The following BLZF1 variants were observed in gnomAD, a reference collection of about 807,000 sequenced individuals.
BLZF1 encodes golgin-45.
BLZF1 carries 39 observed loss-of-function variants against 43.8 expected under a neutral mutation model. That is an observed-to-expected ratio of 0.89 (90% CI 0.69 to 1.16). BLZF1 has a LOEUF of 1.16. Among genes scored for constraint, BLZF1 ranks in the 50% most tolerant of loss-of-function variants. BLZF1 has a pLI of 0.00. For missense variants in BLZF1, 449 were observed against 469.8 expected, an observed-to-expected ratio of 0.96 and a Z score of 0.41; for synonymous variants, 136 against 159.4, an observed-to-expected ratio of 0.85 and a Z score of 1.11.
At chr1:169,384,574 C>A (rs1323302943) in intron 6 of BLZF1, among the ~76,000 whole-genome samples, 1 of 152,180 alleles carries the variant, frequency 6.6e-6, no homozygotes, top group African/African-American at 2.4e-5. Context: ...TGTCACTACC[C>A]ACTGCACTTA....
At position 169,387,461 on chromosome 1, in the gene BLZF1, T is replaced by G. The variant is rs1453356151; in HGVS notation, c.*279T>G. 4.0e-5 allele frequency: 10 copies of G among 247,104 alleles called. No homozygotes were observed. The highest frequency in any genetic ancestry group is 6.8e-5 in the African/African-American group (3 of 44,230). 15.3% of individuals were successfully genotyped at this position (247,104 alleles called of 1,614,324 possible). On this transcript the variant is annotated 3_prime_UTR_variant, in exon 7 of 7. Transcript: ENST00000367808. Reference sequence around the variant, plus strand: ...CTAAAAGACTCTAAAAGAAAAAGATTCTGTAACTCTCTTTTAGCACCAAAT... The same window carrying G: ...CTAAAAGACTCTAAAAGAAAAAGATGCTGTAACTCTCTTTTAGCACCAAAT...
At chr1:169,374,242 T>G (rs1654219064) in intron 2 of BLZF1, among the ~76,000 whole-genome samples, 1 of 151,798 alleles carries the variant, frequency 6.6e-6, no homozygotes, top group Non-Finnish European at 1.5e-5. Context: ...AAAAAATTAT[T>G]TGGTCATGGT....
intron 3 of BLZF1, chr1:169,377,515 A>G (rs774856171): frequency 1.3e-5 from 2 of 152,290 alleles, no homozygotes; most frequent in Non-Finnish European, 2.9e-5. Context: ...TTTTGGCTAG[A>G]TACAAGTCTT....
intron 7 of BLZF1, among the ~76,000 whole-genome samples, chr1:169,393,624 T>C (rs1270407162): frequency 6.7e-6 from 1 of 150,010 alleles, no homozygotes; most frequent in African/African-American, 2.4e-5. Context: ...TTTTTTGAGA[T>C]ACGGTCTCAC....
At chr1:169,390,598 G>T (rs888259599), downstream of BLZF1, among the ~76,000 whole-genome samples, 1 of 152,116 alleles carries the variant, frequency 6.6e-6, no homozygotes, top group South Asian at 2.1e-4. Flanking sequence ...CTCTCATGGT[G>T]CTACAAAGAA....
downstream of BLZF1, among the ~76,000 whole-genome samples, chr1:169,391,182 T>G (rs927599706): frequency 5.9e-5 from 9 of 152,328 alleles, no homozygotes; most frequent in African/African-American, 1.9e-4. Context: ...GCCTTATTAT[T>G]GCTTCCCGTG....
At position 169,377,016 on chromosome 1, in the gene BLZF1, C is replaced by G. The variant is rs536885684; in HGVS notation, c.468+37C>G. 1.2e-5 allele frequency: 18 copies of G among 1,536,074 alleles called. No individual in the cohort carries two copies. The African/African-American group carries it at 2.1e-4, about 18-fold the overall frequency. On this transcript the variant is annotated intron_variant, in intron 3 of 6. Coordinates refer to ENST00000367808, the MANE Select transcript of BLZF1 (RefSeq NM_001320973.2). ...CTTAATCGATAAAATGAGTACTACT[C>G]TTTACGTCTGGACCTTTTAAACGTG...
intron 6 of BLZF1, among the ~76,000 whole-genome samples, chr1:169,385,684 ATCTC>A (rs1482765493): frequency 6.6e-6 from 1 of 152,234 alleles, no homozygotes; most frequent in Admixed American, 6.5e-5. Flanking sequence ...AAATAGAAGG[ATCTC>A]AAAAACTAAA....
In BLZF1 at chr1:169,388,174, G is replaced by A. The variant is rs1031498764; in HGVS notation, c.*992G>A. On this transcript the variant is annotated 3_prime_UTR_variant, in exon 7 of 7. Coordinates refer to ENST00000367808, the MANE Select transcript of BLZF1 (RefSeq NM_001320973.2). ...AATTATACAAATTTGTTGCAGAAGTGCCTGTGAGAGAAATCTTCAAAAGAC... is the reference window on the plus strand; with the variant it reads ...AATTATACAAATTTGTTGCAGAAGTACCTGTGAGAGAAATCTTCAAAAGAC... 1.3e-5 allele frequency: 2 copies of A among 152,062 alleles called. No homozygotes were observed. Among genetic ancestry groups the A allele is most frequent in the African/African-American group, 4.8e-5 (2 of 41,404 alleles). 9.4% of individuals were successfully genotyped at this position (152,062 alleles called of 1,614,324 possible). A position where few individuals can be genotyped will look rare whatever the true frequency, so the allele number is the denominator to read the frequency against.
intron 6 of BLZF1, among the ~76,000 whole-genome samples, chr1:169,385,142 C>A (rs1279216419): frequency 6.6e-6 from 1 of 152,166 alleles, no homozygotes; most frequent in East Asian, 1.9e-4. Context: ...AGGCTTTTCT[C>A]TTTTATCCAA....
downstream of BLZF1, among the ~76,000 whole-genome samples, chr1:169,389,711 T>C (rs952737536): frequency 6.6e-6 from 1 of 152,218 alleles, no homozygotes; most frequent in African/African-American, 2.4e-5. Flanking sequence ...ACAGTGTCCA[T>C]CGATGGATGA....
chr1:169,381,753 AAAG>A (rs1449165981), intron 5 of BLZF1, among the ~76,000 whole-genome samples: 1 of 152,182 alleles, frequency 6.6e-6, no homozygotes, highest in Non-Finnish European at 1.5e-5. Context: ...ACTCACCAAA[AAAG>A]AAAAACCGTA....
In BLZF1 at chr1:169,368,277, G is replaced by T. The variant is rs2275300; in HGVS notation, c.-116G>T. 0.045 allele frequency: 7,167 copies of T among 160,080 alleles called. 224 individuals are homozygous for T. The highest frequency in any genetic ancestry group is 0.12 in the East Asian group (659 of 5,658). The allele number at this position is 160,080 out of a possible 1,614,324, so 9.9% of individuals were successfully genotyped here. A position where few individuals can be genotyped will look rare whatever the true frequency, so the allele number is the denominator to read the frequency against. On this transcript the variant is annotated 5_prime_UTR_variant, in exon 1 of 7. Coordinates refer to ENST00000367808, the MANE Select transcript of BLZF1 (RefSeq NM_001320973.2). ...AAGAGGTCTGTGAGAAGTTAACCTG[G>T]TGATACCGATCCGAAGAGCCTATCA... is the stretch of plus-strand genomic sequence containing the variant.
At chr1:169,369,431 A>G in intron 1 of BLZF1, 42 bp from the exon 2 acceptor site, 2 of 1,066,842 alleles carry the variant, frequency 1.9e-6, no homozygotes, top group Non-Finnish European at 2.7e-6. Context: ...CTATGTGTTT[A>G]TATGATATTT....
At chr1:169,389,076 C>T (rs1404814065), downstream of BLZF1, among the ~76,000 whole-genome samples, 3 of 151,904 alleles carry the variant, frequency 2.0e-5, no homozygotes, top group South Asian at 2.1e-4. Context: ...GAGCCGAGAT[C>T]GCGCCGCTGC....
At chr1:169,389,950 G>C (rs538005114), downstream of BLZF1, among the ~76,000 whole-genome samples, 11 of 152,312 alleles carry the variant, frequency 7.2e-5, no homozygotes, top group African/African-American at 2.6e-4. Flanking sequence ...AGAGAGTGTA[G>C]AATGGGAAGT....
chr1:169,394,609 A>C (rs2102028429), intron 7 of BLZF1, among the ~76,000 whole-genome samples: 1 of 152,306 alleles, frequency 6.6e-6, no homozygotes, highest in African/African-American at 2.4e-5. Context: ...CCTATTGCTT[A>C]GCTTGCCATG....
intron 6 of BLZF1, among the ~76,000 whole-genome samples, chr1:169,384,130 A>G (rs188474935): frequency 2.6e-4 from 40 of 151,742 alleles, no homozygotes; most frequent in Admixed American, 1.2e-3. Context: ...TGTATTCCCT[A>G]TCTTGATGAA....
At chr1:169,391,156 G>T (rs565676092), downstream of BLZF1, among the ~76,000 whole-genome samples, 2 of 152,324 alleles carry the variant, frequency 1.3e-5, no homozygotes, top group East Asian at 3.9e-4. Context: ...AAAATGCAAA[G>T]CGGGTGTATA....
Sources: allele counts gnomAD v4.1 joint callset (sites outside exome capture counted in the v4.1 genomes callset), GRCh38; gene constraint gnomAD v4.1.1; transcripts MANE v1.5; gene names NCBI Gene and HGNC (gene_info 2026-07-23, HGNC 2026-07-21).